The following CREBBP variants were observed in gnomAD, a reference collection of about 807,000 sequenced individuals.
CREBBP encodes CREB binding lysine acetyltransferase.
In CREBBP, 19 loss-of-function variants were observed where a neutral mutation model predicts 265.0. The ratio of observed to expected loss-of-function variants is 0.07; its 90% CI spans 0.05 to 0.11. The LOEUF is 0.11. Among genes scored for constraint, CREBBP ranks in the 10% least tolerant of loss-of-function variants. The probability of loss-of-function intolerance (pLI) is 1.00; values close to 1 mark genes in which losing one functional copy is unlikely to be tolerated. For missense variants in CREBBP, 2,525 were observed against 3,219.0 expected, an observed-to-expected ratio of 0.78 and a Z score of 5.22; for synonymous variants, 1,457 against 1,223.7, an observed-to-expected ratio of 1.19 and a Z score of -3.98.
intron 5 of CREBBP, among the ~76,000 whole-genome samples, chr16:3,784,970 T>C (rs954206870): frequency 6.6e-6 from 1 of 152,222 alleles, no homozygotes; most frequent in Non-Finnish European, 1.5e-5. Context: ...GAGAAGCATT[T>C]GGAACTCATC....
At chr16:3,749,461 T>C (rs1237119702) in intron 21 of CREBBP, among the ~76,000 whole-genome samples, 166 bp downstream of exon 21, 1 of 152,228 alleles carries the variant, frequency 6.6e-6, no homozygotes, top group Non-Finnish European at 1.5e-5. Context: ...ATACATATTT[T>C]GTTTAAGTTT....
In CREBBP at chr16:3,773,953, A is replaced by C. The variant is rs752932844; in HGVS notation, c.2284-23T>G. 55 of 1,612,106 alleles carry C rather than the reference A, an allele frequency of 3.4e-5. No individual in the cohort carries two copies. In the South Asian group the frequency reaches 5.3e-4, roughly 15 times the overall value. On this transcript the variant is annotated intron_variant, in intron 12 of 30. Coordinates refer to ENST00000262367, the MANE Select transcript of CREBBP (RefSeq NM_004380.3). The stretch of plus-strand genomic sequence containing the variant: ...CATCTACGAGACAACAAGCACCACC[A>C]GAGCTGTAGTTCGGAAGCTGACGGC...
Position 3,761,572 on chromosome 16 carries a change from T to G in CREBBP, c.3251-2600A>C, listed in dbSNP as rs148113514. 136 of 517,836 alleles carry G rather than the reference T, an allele frequency of 2.6e-4. 1 individual carries two copies. In the East Asian group the frequency reaches 5.6e-3, roughly 21 times the overall value. The allele number at this position is 517,836 out of a possible 1,614,324, so 32.1% of individuals were successfully genotyped here. A position where few individuals can be genotyped will look rare whatever the true frequency, so the allele number is the denominator to read the frequency against. On this transcript the variant is annotated intron_variant, in intron 16 of 30. Coordinates refer to ENST00000262367, the MANE Select transcript of CREBBP (RefSeq NM_004380.3). ...TTCCATCAAAGCCCAGGATACAGAC[T>G]CTTGACCAACCTCCGCAGACACCGC...
At chr16:3,771,102 CTT>C (rs1248979220) in intron 13 of CREBBP, 116 bp from the exon 14 acceptor site, 45 of 1,109,694 alleles carry the variant, frequency 4.1e-5, no homozygotes, top group Middle Eastern at 4.4e-4. Flanking sequence ...CAGTTTCACT[CTT>C]GTCGCCCAGG....
chr16:3,752,331 C>G (rs1292001219), intron 19 of CREBBP, among the ~76,000 whole-genome samples: 2 of 152,082 alleles, frequency 1.3e-5, no homozygotes, highest in African/African-American at 4.8e-5. Context: ...ACTGAAATAG[C>G]TTTATTTTTC....
intron 16 of CREBBP, 191 bp downstream of exon 16, chr16:3,767,529 C>T: frequency 1.4e-6 from 1 of 715,592 alleles, no homozygotes; most frequent in Non-Finnish European, 2.3e-6. Context: ...TGCCATGAGC[C>T]CCACAGGCAC....
Position 3,728,420 on chromosome 16 carries a change from CTGT to C in CREBBP, c.6624_6626del (p.Gln2216del), listed in dbSNP as rs754267405. 2.5e-6 allele frequency: 4 copies of C among 1,612,856 alleles called. No individual in the cohort carries two copies. Among genetic ancestry groups the C allele is most frequent in the Non-Finnish European group, 3.4e-6 (4 of 1,179,464 alleles). ...TCCCTTGCTGCTGCTGCTGTTGCTG[CTGT>C]TGTTGCTGCTGCTGTTGCTGCTGCT... On this transcript the variant is annotated inframe_deletion, in exon 31 of 31. Coordinates refer to ENST00000262367, the MANE Select transcript of CREBBP (RefSeq NM_004380.3). This position sits in a 1 kb window ranked among gnomAD's most constrained non-coding sequence, Gnocchi z 8.7.
chr16:3,839,839 A>G (rs79584954), intron 2 of CREBBP, among the ~76,000 whole-genome samples: 4,185 of 151,180 alleles, frequency 0.028, 205 homozygotes, highest in African/African-American at 0.096. Flanking sequence ...AAGAGAAGGA[A>G]AGAGAGAGAG....
chr16:3,830,103 A>G (rs1046604391), intron 2 of CREBBP, among the ~76,000 whole-genome samples: 1 of 152,144 alleles, frequency 6.6e-6, no homozygotes, highest in African/African-American at 2.4e-5. Flanking sequence ...TTAAGAGACA[A>G]AGTTAAGAGT....
chr16:3,734,147 CTCGCCCCACCTGACACTA>C, intron 28 of CREBBP, among the ~76,000 whole-genome samples: 1 of 152,248 alleles, frequency 6.6e-6, no homozygotes, highest in Admixed American at 6.5e-5. Flanking sequence ...GGTTCCGTTT[CTCGCCCCACCTGACACTA>C]TCGCGAGCCT....
chr16:3,793,093 A>G (rs1255515734), intron 4 of CREBBP, among the ~76,000 whole-genome samples: 2 of 152,270 alleles, frequency 1.3e-5, no homozygotes. Flanking sequence ...GAAGTGACCA[A>G]TGTCTTCCGT....
chr16:3,828,731 G>A (rs1465734186), intron 2 of CREBBP, among the ~76,000 whole-genome samples: 1 of 152,162 alleles, frequency 6.6e-6, no homozygotes, highest in African/African-American at 2.4e-5. Context: ...GTCAATCACA[G>A]GTGGATTTTA....
chr16:3,805,880 G>A (rs181602022), intron 3 of CREBBP, among the ~76,000 whole-genome samples: 57 of 152,236 alleles, frequency 3.7e-4, no homozygotes, highest in Middle Eastern at 3.4e-3. Flanking sequence ...ACAAAGAACC[G>A]CAAGCCCATG....
At position 3,810,553 on chromosome 16, in the gene CREBBP, C is replaced by T. The variant is rs190677981; in HGVS notation, c.975+50G>A. On this transcript the variant is annotated intron_variant, in intron 3 of 30. Transcript: ENST00000262367. ...TGTGAGAATGGTAAAAATCCACAGA[C>T]CACAGCACCCACCGGAGAGCCATAA... 1.0e-3 allele frequency: 1,597 copies of T among 1,600,962 alleles called. 5 individuals are homozygous for T. In the Middle Eastern group the frequency reaches 0.011, roughly 11 times the overall value.
intron 28 of CREBBP, among the ~76,000 whole-genome samples, chr16:3,734,342 C>G (rs1475993557): frequency 1.3e-5 from 2 of 152,152 alleles, no homozygotes; most frequent in Non-Finnish European, 2.9e-5. Context: ...ACCAAACACA[C>G]AAGGGACAGC....
chr16:3,845,824 T>C (rs928443872), intron 2 of CREBBP, among the ~76,000 whole-genome samples: 4 of 145,518 alleles, frequency 2.7e-5, no homozygotes, highest in South Asian at 2.1e-4. Context: ...GAGGCAGAGG[T>C]TGCAGTGAGC....
intron 2 of CREBBP, among the ~76,000 whole-genome samples, chr16:3,843,244 G>C (rs1291795184): frequency 6.6e-6 from 1 of 152,112 alleles, no homozygotes; most frequent in Non-Finnish European, 1.5e-5. Flanking sequence ...TCTGTAACAT[G>C]TGACTTGCCT....
intron 2 of CREBBP, among the ~76,000 whole-genome samples, chr16:3,830,147 A>T (rs2054314232): frequency 6.6e-6 from 1 of 152,224 alleles, no homozygotes. Flanking sequence ...CTGTAATCCC[A>T]GCACTTTGGG....
intron 2 of CREBBP, among the ~76,000 whole-genome samples, chr16:3,840,332 G>C (rs572345085): frequency 6.6e-6 from 1 of 152,124 alleles, no homozygotes; most frequent in Non-Finnish European, 1.5e-5. Context: ...GACGGCAGTC[G>C]GCTTGAGTTC....
Sources: gnomAD v4.1 joint callset for allele counts (sites outside exome capture counted in the v4.1 genomes callset) on GRCh38, gnomAD v4.1.1 for gene constraint, Gnocchi (gnomAD v3.1) non-coding constraint, MANE v1.5 for transcripts, NCBI Gene and HGNC (gene_info 2026-07-23, HGNC 2026-07-21) for gene names.